The following PCDH7 variants were observed in gnomAD, a reference collection of about 807,000 sequenced individuals.
The protein encoded by PCDH7 is protocadherin-7.
In PCDH7, 17 loss-of-function variants were observed where a neutral mutation model predicts 58.9. That is an observed-to-expected ratio of 0.29 (90% confidence interval 0.20 to 0.43). The LOEUF (loss-of-function observed/expected upper bound fraction) is 0.43. Among genes scored for constraint, PCDH7 ranks in the 20% least tolerant of loss-of-function variants. The pLI is 1.00. For synonymous variants in PCDH7, 664 were observed against 616.4 expected, an observed-to-expected ratio of 1.08 and a Z score of -1.14; for missense variants, 1,274 against 1,441.0, an observed-to-expected ratio of 0.88 and a Z score of 1.88.
In PCDH7 at chr4:30,966,330, C is replaced by A. The variant is rs369778458; in HGVS notation, c.*7+16115C>A. ...AACTGGATTAAAAGCATGTTACATT[C>A]TTTTCCTATCCATAATTGTGTTCTG... On this transcript the variant is annotated intron_variant, in intron 3 of 3. Coordinates refer to the PCDH7 transcript ENST00000509759. 1.3e-4 allele frequency among the ~76,000 whole-genome samples: 20 copies of A among 152,256 alleles called. No individual in the cohort carries two copies. In the East Asian group the frequency reaches 2.5e-3, roughly 19 times the overall value.
chr4:30,840,917 G>A (rs927410381), intron 1 of PCDH7, among the ~76,000 whole-genome samples: 17 of 151,424 alleles, frequency 1.1e-4, no homozygotes, highest in African/African-American at 4.1e-4. Context: ...AAAACCAAGA[G>A]TTTGCTTTCT....
At chr4:30,861,057 G>A (rs1290048624) in intron 1 of PCDH7, among the ~76,000 whole-genome samples, 4 of 152,130 alleles carry the variant, frequency 2.6e-5, no homozygotes, top group Admixed American at 1.3e-4. Flanking sequence ...TAGCTACTTG[G>A]CAATTAAGAA....
intron 3 of PCDH7, among the ~76,000 whole-genome samples, chr4:30,973,754 G>T (rs549482785): frequency 1.4e-4 from 22 of 151,772 alleles, no homozygotes; most frequent in African/African-American, 5.3e-4. Flanking sequence ...TCCAATATGT[G>T]CTTGAGAGTG....
intron 1 of PCDH7, chr4:30,885,160 G>A (rs2109375558): frequency 6.6e-6 from 1 of 152,238 alleles, no homozygotes; most frequent in African/African-American, 2.4e-5. Flanking sequence ...GCCTCAGAAT[G>A]ATATTTGGAC....
At chr4:30,775,120 G>T (rs1560356321) in intron 1 of PCDH7, among the ~76,000 whole-genome samples, 1 of 152,084 alleles carries the variant, frequency 6.6e-6, no homozygotes, top group Non-Finnish European at 1.5e-5. Context: ...ACATTCCAGG[G>T]TATTGATTTT....
intron 1 of PCDH7, among the ~76,000 whole-genome samples, chr4:30,881,513 A>G (rs1736972703): frequency 6.6e-6 from 1 of 152,294 alleles, no homozygotes; most frequent in South Asian, 2.1e-4. Context: ...AATTCATGTC[A>G]TCTCTAGCAC....
chr4:30,797,135 A>G (rs1724889179), intron 1 of PCDH7, among the ~76,000 whole-genome samples: 1 of 133,806 alleles, frequency 7.5e-6, no homozygotes. Flanking sequence ...TAATTTTTAT[A>G]TTTTTAGTAG....
chr4:30,925,831 G>A (rs2109420323), intron 2 of PCDH7: 1 of 152,326 alleles, frequency 6.6e-6, no homozygotes, highest in South Asian at 2.1e-4. Flanking sequence ...CTTCTCAGCT[G>A]TCTAGTAAAA....
chr4:31,015,830 T>C (rs1486205064), intron 3 of PCDH7, among the ~76,000 whole-genome samples: 1 of 152,206 alleles, frequency 6.6e-6, no homozygotes, highest in Non-Finnish European at 1.5e-5. Context: ...GAAATATTAA[T>C]TATAGATCAC....
intron 3 of PCDH7, among the ~76,000 whole-genome samples, chr4:31,077,143 G>A (rs1759066340): frequency 6.6e-6 from 1 of 152,172 alleles, no homozygotes; most frequent in African/African-American, 2.4e-5. Context: ...GGGTGCAGTG[G>A]CTCACGCCTG....
chr4:30,829,873 T>C (rs1210740860), intron 1 of PCDH7, among the ~76,000 whole-genome samples: 1 of 152,056 alleles, frequency 6.6e-6, no homozygotes, highest in Non-Finnish European at 1.5e-5. Context: ...TGGACCACTT[T>C]ATAGCCCGCA....
intron 2 of PCDH7, among the ~76,000 whole-genome samples, chr4:30,931,756 C>G (rs896624295): frequency 6.6e-5 from 10 of 151,156 alleles, no homozygotes; most frequent in African/African-American, 2.4e-4. Flanking sequence ...GAGGCCGGGG[C>G]ATAGTGGCAT....
chr4:30,968,428 C>A (rs1211058483), intron 3 of PCDH7, among the ~76,000 whole-genome samples: 2 of 106,366 alleles, frequency 1.9e-5, no homozygotes, highest in Non-Finnish European at 3.8e-5. Context: ...GATATTATGT[C>A]AGAATTAAAA....
At chr4:30,896,713 T>C (rs1424238036) in intron 1 of PCDH7, among the ~76,000 whole-genome samples, 1 of 151,902 alleles carries the variant, frequency 6.6e-6, no homozygotes, top group Non-Finnish European at 1.5e-5. Flanking sequence ...AAATATTTAC[T>C]ATATCTTGTA....
intron 3 of PCDH7, among the ~76,000 whole-genome samples, chr4:31,026,048 A>G (rs1754394887): frequency 6.6e-6 from 1 of 152,210 alleles, no homozygotes; most frequent in Non-Finnish European, 1.5e-5. Context: ...ACGCACTGTT[A>G]TATGCCATGT....
intron 1 of PCDH7, among the ~76,000 whole-genome samples, chr4:30,738,881 A>G (rs924238941): frequency 1.3e-5 from 2 of 151,942 alleles, no homozygotes; most frequent in African/African-American, 4.8e-5. Flanking sequence ...ACATAGATCC[A>G]GTGGGTCTGA....
rs561264358 is a variant in PCDH7 at position 30,770,871 on chromosome 4, A to C, written c.70+46275A>C. 2.6e-5 allele frequency among the ~76,000 whole-genome samples: 4 copies of C among 152,320 alleles called. No homozygotes were observed. In the South Asian group the frequency reaches 8.3e-4, roughly 32 times the overall value. ...TTTTAAAAAAACAACCATATACACT[A>C]TATGATTTATTATGAAAGAAATTTT... On this transcript the variant is annotated intron_variant, in intron 1 of 3. Coordinates refer to the PCDH7 transcript ENST00000509759.
chr4:30,920,433 G>A (rs1560502381), intron 2 of PCDH7, 64 bp downstream of exon 2: 20 of 1,205,676 alleles, frequency 1.7e-5, no homozygotes, highest in East Asian at 1.6e-4. Flanking sequence ...GTAGACTCGC[G>A]AAGGTCAGTC....
At chr4:31,004,426 A>G (rs1382710944) in intron 3 of PCDH7, among the ~76,000 whole-genome samples, 1 of 151,940 alleles carries the variant, frequency 6.6e-6, no homozygotes, top group East Asian at 1.9e-4. Flanking sequence ...AGAATAACAT[A>G]AGGCCGGGCG....
Sources: gnomAD v4.1 joint callset for allele counts (sites outside exome capture counted in the v4.1 genomes callset) on GRCh38, gnomAD v4.1.1 for gene constraint, MANE v1.5 for transcripts, NCBI Gene and HGNC (gene_info 2026-07-23, HGNC 2026-07-21) for gene names.